DNAJC7: variants seen among roughly 807,000 people sequenced by gnomAD.
DNAJC7 encodes DnaJ heat shock protein family (Hsp40) member C7.
A neutral mutation model predicts 67.4 loss-of-function variants in DNAJC7; 18 were observed. The ratio of observed to expected loss-of-function variants is 0.27; its 90% confidence interval spans 0.18 to 0.40. The LOEUF (loss-of-function observed/expected upper bound fraction) is 0.40, where lower values mean the gene tolerates loss of function less well. DNAJC7 is among the 10% of genes least tolerant of loss of function. The probability of loss-of-function intolerance (pLI) is 1.00; values close to 1 mark genes in which losing one functional copy is unlikely to be tolerated. For missense variants in DNAJC7, 419 were observed against 613.8 expected (o/e 0.68, Z 3.35); for synonymous variants, 220 against 207.8 (o/e 1.06, Z -0.50).
At position 41,990,523 on chromosome 17, in the gene DNAJC7, A is replaced by G. The variant is rs1167005257; in HGVS notation, c.481-141T>C. On this transcript the variant is annotated intron_variant, in intron 5 of 13. Coordinates refer to ENST00000457167, the MANE Select transcript of DNAJC7 (RefSeq NM_003315.4). ...CTAAGTAATATCAAAGTTTAAAAAC[A>G]TACCTAATTCATTAAATAAAAGCAC... is the stretch of plus-strand genomic sequence containing the variant. 3 of 677,474 alleles carry G rather than the reference A, an allele frequency of 4.4e-6. No individual in the cohort carries two copies. In the African/African-American group the frequency reaches 5.4e-5, roughly 12 times the overall value. 42.0% of individuals were successfully genotyped at this position (677,474 alleles called of 1,614,324 possible). A position where few individuals can be genotyped will look rare whatever the true frequency, so the allele number is the denominator to read the frequency against.
At chr17:42,006,320 A>ATT (rs568818722) in intron 1 of DNAJC7, among the ~76,000 whole-genome samples, 1 of 144,324 alleles carries the variant, frequency 6.9e-6, no homozygotes. Flanking sequence ...CGCCTGGCCA[A>ATT]TTTTTTTTTT....
chr17:42,017,245 GC>G, intron 1 of DNAJC7, 94 bp downstream of exon 1: 1 of 1,601,174 alleles, frequency 6.2e-7, no homozygotes, highest in Non-Finnish European at 8.5e-7. Context: ...GCGGGGCATC[GC>G]CTCAACAGCT....
At chr17:42,017,094 G>C (rs1555652040) in intron 1 of DNAJC7, 16 of 1,422,564 alleles carry the variant, frequency 1.1e-5, no homozygotes, top group Non-Finnish European at 8.2e-6. Flanking sequence ...CTATAAGGAC[G>C]ATCGTCCTCT....
At chr17:42,000,182 A>C (rs555158045) in intron 2 of DNAJC7, among the ~76,000 whole-genome samples, 103 of 145,916 alleles carry the variant, frequency 7.1e-4, no homozygotes, top group African/African-American at 2.6e-3. Flanking sequence ...GCAGTGGCAC[A>C]ATCTTGGCTC....
At chr17:41,982,690 A>T (rs2051281052) in intron 10 of DNAJC7, among the ~76,000 whole-genome samples, 1 of 152,188 alleles carries the variant, frequency 6.6e-6, no homozygotes, top group Non-Finnish European at 1.5e-5. Context: ...GAAAGAAAGG[A>T]GGGGCCCTTG....
intron 1 of DNAJC7, among the ~76,000 whole-genome samples, chr17:42,006,361 T>C (rs1205753992): frequency 4.0e-5 from 6 of 151,412 alleles, no homozygotes; most frequent in Non-Finnish European, 8.8e-5. Context: ...TATTTATTTA[T>C]TTATTTAATT....
At chr17:41,995,950 G>C (rs1555648550) in intron 4 of DNAJC7, among the ~76,000 whole-genome samples, 2 of 152,202 alleles carry the variant, frequency 1.3e-5, no homozygotes, top group African/African-American at 4.8e-5. Flanking sequence ...GCACAGGTAG[G>C]TGCATGGCAC....
intron 1 of DNAJC7, among the ~76,000 whole-genome samples, chr17:42,004,627 A>T (rs1555649913): frequency 6.6e-6 from 1 of 152,210 alleles, no homozygotes; most frequent in African/African-American, 2.4e-5. Flanking sequence ...TGCATGGAGG[A>T]TCTCTCACAA....
chr17:42,003,950 ATT>A (rs10631965), intron 1 of DNAJC7, among the ~76,000 whole-genome samples: 4 of 94,326 alleles, frequency 4.2e-5, no homozygotes, highest in African/African-American at 1.6e-4. Flanking sequence ...AAGATTTTCA[ATT>A]TTTTTTTTTT....
intron 1 of DNAJC7, chr17:42,011,710 G>A (rs2052122521): frequency 6.6e-6 from 1 of 152,182 alleles, no homozygotes; most frequent in Admixed American, 6.5e-5. Flanking sequence ...TCAGTTTGGA[G>A]GCTTACTGAA....
intron 1 of DNAJC7, among the ~76,000 whole-genome samples, chr17:42,002,154 T>C (rs1555649572): frequency 6.6e-6 from 1 of 152,190 alleles, no homozygotes; most frequent in Non-Finnish European, 1.5e-5. Flanking sequence ...AGAGCAGACA[T>C]GCCAAGGGAT....
intron 1 of DNAJC7, among the ~76,000 whole-genome samples, chr17:42,012,158 A>G (rs763151834): frequency 6.2e-4 from 95 of 152,238 alleles, no homozygotes; most frequent in Non-Finnish European, 1.0e-3. Context: ...CACACTAGGT[A>G]TATGCTGAGA....
intron 9 of DNAJC7, 87 bp downstream of exon 9, chr17:41,987,732 T>C: frequency 1.7e-6 from 2 of 1,158,708 alleles, no homozygotes; most frequent in Non-Finnish European, 2.5e-6. Context: ...CCTCACAACA[T>C]CTCTGGGTCT....
At chr17:42,011,063 C>CT (rs1352440055) in intron 1 of DNAJC7, 1 of 152,168 alleles carries the variant, frequency 6.6e-6, no homozygotes, top group Non-Finnish European at 1.5e-5. Context: ...GGAAAGACCT[C>CT]TGAGTAACTT....
chr17:42,013,947 C>T (rs782373500), intron 1 of DNAJC7: 2 of 152,004 alleles, frequency 1.3e-5, no homozygotes, highest in Admixed American at 1.3e-4. Context: ...GCATGCACCG[C>T]CATGCCTGGC....
Position 41,981,861 on chromosome 17 carries a change from T to C in DNAJC7, c.1378A>G (p.Met460Val). 2 of 1,613,112 alleles carry C rather than the reference T, an allele frequency of 1.2e-6. No homozygotes were observed. Among genetic ancestry groups the C allele is most frequent in the South Asian group, 2.2e-5 (2 of 90,838 alleles). Residue 460 changes from methionine (M) to valine (V), a missense_variant, in exon 12 of 14, where the codon ATG (methionine) becomes GTG (valine). Met to Val is a conservative substitution (Grantham distance 21, BLOSUM62 1). Transcript: ENST00000457167. ...GQDLDEEGMN[M>V]GDFDPNNIFK... The stretch of plus-strand genomic sequence containing the variant: ...GCTGCCCCAGCCAACTCACCACCCA[T>C]ATTCATGCCCTCCTCATCTAGGTCC...
chr17:42,001,148 G>A (rs1209228317), intron 1 of DNAJC7: 2 of 152,510 alleles, frequency 1.3e-5, no homozygotes, highest in African/African-American at 4.8e-5. Context: ...GAACAGAGCT[G>A]AGTGACAGCA....
chr17:42,002,392 G>A (rs1325930571), intron 1 of DNAJC7, among the ~76,000 whole-genome samples: 3 of 152,192 alleles, frequency 2.0e-5, no homozygotes, highest in African/African-American at 7.2e-5. Flanking sequence ...TTAGTCGAAA[G>A]TGAAATAATG....
chr17:41,980,677 C>T (rs994550773), intron 12 of DNAJC7, among the ~76,000 whole-genome samples: 23 of 152,144 alleles, frequency 1.5e-4, no homozygotes, highest in African/African-American at 4.8e-4. Flanking sequence ...GGATTACAGG[C>T]GTAAGCCACC....
Sources: allele counts gnomAD v4.1 joint callset (sites outside exome capture counted in the v4.1 genomes callset), GRCh38; gene constraint gnomAD v4.1.1; transcripts MANE v1.5; gene names NCBI Gene and HGNC (gene_info 2026-07-23, HGNC 2026-07-21).